The following CNMD variants were observed in gnomAD, a reference collection of about 807,000 sequenced individuals.
CNMD encodes the protein leukocyte cell-derived chemotaxin 1.
In CNMD, 30 loss-of-function variants were observed where a neutral mutation model predicts 37.5. The ratio of observed to expected loss-of-function variants is 0.80; its 90% CI spans 0.60 to 1.09. The LOEUF (loss-of-function observed/expected upper bound fraction) is 1.09. Ranked by LOEUF, CNMD falls within the 50% of genes least tolerant of loss-of-function variation. CNMD has a pLI of 0.00. For missense variants in CNMD, 398 were observed against 423.9 expected (o/e 0.94, Z 0.54); for synonymous variants, 167 against 148.2 (o/e 1.13, Z -0.92).
At chr13:52,724,515 G>A (rs1419837534) in intron 3 of CNMD, among the ~76,000 whole-genome samples, 1 of 149,934 alleles carries the variant, frequency 6.7e-6, no homozygotes, top group Non-Finnish European at 1.5e-5. Context: ...AGGGTGAACC[G>A]GGGAGGCGGA....
At chr13:52,713,937 C>G (rs183635840) in intron 4 of CNMD, among the ~76,000 whole-genome samples, 1 of 152,184 alleles carries the variant, frequency 6.6e-6, no homozygotes, top group Non-Finnish European at 1.5e-5. Flanking sequence ...TCCTCCCCCA[C>G]CTGCCTTGTA....
intron 4 of CNMD, among the ~76,000 whole-genome samples, chr13:52,714,826 G>T (rs914166297): frequency 7.9e-5 from 12 of 152,004 alleles, no homozygotes; most frequent in Admixed American, 2.6e-4. Context: ...GCTTTTTGTG[G>T]ATTATGCAAT....
At chr13:52,729,534 G>A (rs111806488) in intron 3 of CNMD, among the ~76,000 whole-genome samples, 3,773 of 152,322 alleles carry the variant, frequency 0.025, 63 homozygotes, top group Middle Eastern at 0.048. Flanking sequence ...ACTTGTGTCT[G>A]TCTGCATTTT....
intron 6 of CNMD, among the ~76,000 whole-genome samples, chr13:52,705,310 G>A (rs1417935168): frequency 6.6e-6 from 1 of 152,038 alleles, no homozygotes; most frequent in Non-Finnish European, 1.5e-5. Flanking sequence ...ATTAGAATGT[G>A]CCCCCCAAAA....
intron 2 of CNMD, among the ~76,000 whole-genome samples, chr13:52,735,682 TAA>T (rs138863152): frequency 1.8e-3 from 261 of 142,740 alleles, no homozygotes; most frequent in Admixed American, 3.1e-3. Flanking sequence ...AAAAAAAATC[TAA>T]AAAAAAAAAA....
chr13:52,734,295 T>C (rs1007031971), intron 2 of CNMD, among the ~76,000 whole-genome samples: 1 of 152,218 alleles, frequency 6.6e-6, no homozygotes, highest in South Asian at 2.1e-4. Context: ...AGGATGGCAC[T>C]GTGGCACTCT....
chr13:52,722,025 G>A (rs1964492661), intron 4 of CNMD, among the ~76,000 whole-genome samples: 1 of 152,048 alleles, frequency 6.6e-6, no homozygotes, highest in Non-Finnish European at 1.5e-5. Context: ...AATAAGAGAA[G>A]TTCAAGGGTC....
At chr13:52,724,417 C>CAAAAAAAA (rs71094319) in intron 3 of CNMD, among the ~76,000 whole-genome samples, 7 of 85,848 alleles carry the variant, frequency 8.2e-5, no homozygotes, top group African/African-American at 1.5e-4. Context: ...ACTAAAAATA[C>CAAAAAAAA]AAAAAAAAAA....
At position 52,724,166 on chromosome 13, in the gene CNMD, T is replaced by C. The variant is rs985857710; in HGVS notation, c.355-56A>G. On this transcript the variant is annotated intron_variant, in intron 3 of 6. Coordinates refer to ENST00000377962, the MANE Select transcript of CNMD (RefSeq NM_007015.3). Reference sequence around the variant, plus strand: ...TCCATTTGTTCATTTATTCGATTTATTGAGTGTCTACTGTGTTCCAGATGC... The same window carrying C: ...TCCATTTGTTCATTTATTCGATTTACTGAGTGTCTACTGTGTTCCAGATGC... The C allele has an allele frequency of 2.1e-5, 27 of 1,307,050 alleles. No homozygotes were observed. In the African/African-American group the frequency reaches 3.6e-4, roughly 17 times the overall value. 81.0% of individuals were successfully genotyped at this position (1,307,050 alleles called of 1,614,324 possible). A position where few individuals can be genotyped will look rare whatever the true frequency, so the allele number is the denominator to read the frequency against.
intron 4 of CNMD, among the ~76,000 whole-genome samples, chr13:52,719,342 G>T (rs919942461): frequency 2.0e-5 from 3 of 152,112 alleles, no homozygotes; most frequent in African/African-American, 7.2e-5. Context: ...GGTTAATATT[G>T]TTATGTGTGA....
intron 5 of CNMD, among the ~76,000 whole-genome samples, chr13:52,710,557 G>C: frequency 6.6e-6 from 1 of 152,238 alleles, no homozygotes; most frequent in East Asian, 1.9e-4. Flanking sequence ...AAGGGCATGG[G>C]CCGCTGGACC....
In CNMD at chr13:52,739,034, ACTGTCGCTCC is replaced by A; in HGVS notation, c.200_209del (p.Gly67ValfsTer10). 1 of 1,576,680 alleles carries A rather than the reference ACTGTCGCTCC, an allele frequency of 6.3e-7. No homozygotes were observed. The highest frequency in any genetic ancestry group is 8.6e-7 in the Non-Finnish European group (1 of 1,165,088). ...GCGCGCCGCCCTCTGGACTTACGTGACTGTCGCTCCCCTTCCAGAAGTAGAAGGCCCCGAT... is the reference window on the plus strand; with the variant it reads ...GCGCGCCGCCCTCTGGACTTACGTGACCTTCCAGAAGTAGAAGGCCCCGAT... On this transcript the variant is annotated frameshift_variant, in exon 2 of 7. Coordinates refer to ENST00000377962, the MANE Select transcript of CNMD (RefSeq NM_007015.3). LOFTEE classifies it high-confidence loss of function. The surrounding 1 kb of genome is among the most constrained non-coding windows in gnomAD (Gnocchi z 5.4).
intron 4 of CNMD, among the ~76,000 whole-genome samples, chr13:52,723,415 G>T (rs1157941231): frequency 1.3e-5 from 2 of 152,134 alleles, no homozygotes; most frequent in African/African-American, 4.8e-5. Context: ...CTTAACCACA[G>T]ATCAGATAGT....
chr13:52,722,526 C>A (rs942125415), intron 4 of CNMD, among the ~76,000 whole-genome samples: 1 of 152,138 alleles, frequency 6.6e-6, no homozygotes, highest in African/African-American at 2.4e-5. Context: ...TGTATGCATA[C>A]CCCCAGCTTA....
chr13:52,737,095 C>A (rs73188579), intron 2 of CNMD, among the ~76,000 whole-genome samples: 1 of 151,938 alleles, frequency 6.6e-6, no homozygotes, highest in African/African-American at 2.4e-5. Flanking sequence ...ATAGAGGAGC[C>A]GAGGCACAGA....
intron 3 of CNMD, among the ~76,000 whole-genome samples, chr13:52,728,248 TG>T (rs1964607486): frequency 6.6e-6 from 1 of 151,938 alleles, no homozygotes; most frequent in African/African-American, 2.4e-5. Flanking sequence ...TAGTTGGGCG[TG>T]GTGGCGTGCA....
chr13:52,724,643 C>G (rs923031756), intron 3 of CNMD, among the ~76,000 whole-genome samples: 13 of 151,920 alleles, frequency 8.6e-5, no homozygotes, highest in African/African-American at 3.1e-4. Flanking sequence ...TGGCTTATGC[C>G]ACCAGAACTT....
chr13:52,711,452 T>TCAGC (rs954156734), intron 5 of CNMD, among the ~76,000 whole-genome samples: 40 of 152,300 alleles, frequency 2.6e-4, no homozygotes, highest in African/African-American at 9.6e-4. Flanking sequence ...CCTGCCCCCT[T>TCAGC]CAGCCAGCCA....
In CNMD at chr13:52,739,123, T is replaced by C. The variant is rs889692189; in HGVS notation, c.121A>G (p.Lys41Glu). 2 of 1,560,470 alleles carry C rather than the reference T, an allele frequency of 1.3e-6. No individual in the cohort carries two copies. Among genetic ancestry groups the C allele is most frequent in the Non-Finnish European group, 1.7e-6 (2 of 1,159,220 alleles). The change falls in exon 2 of 7, where the codon AAG (lysine) becomes GAG (glutamate). Residue 41 changes from lysine to glutamate, a missense_variant. By Grantham distance (56) the Lys-to-Glu change is moderately conservative. Coordinates refer to ENST00000377962, the MANE Select transcript of CNMD (RefSeq NM_007015.3). This position sits in a 1 kb window ranked among gnomAD's most constrained non-coding sequence, Gnocchi z 5.4. ...VKPSSPARLL[K>E]VGAVVLISGA... is the part of the protein sequence containing the mutation. The stretch of plus-strand genomic sequence containing the variant: ...GAAATGAGGACCACGGCTCCCACCT[T>C]GAGCAGCCGCGCGGGGCTGGAGGGC...
Sources: allele counts gnomAD v4.1 joint callset (sites outside exome capture counted in the v4.1 genomes callset), GRCh38; gene constraint gnomAD v4.1.1; non-coding constraint Gnocchi (gnomAD v3.1); transcripts MANE v1.5; gene names NCBI Gene and HGNC (gene_info 2026-07-23, HGNC 2026-07-21).